The following AKT1 variants were observed in gnomAD, a reference collection of about 807,000 sequenced individuals.
AKT1 encodes RAC-alpha serine/threonine-protein kinase.
A neutral mutation model predicts 63.1 loss-of-function variants in AKT1; 21 were observed. The observed-to-expected ratio is 0.33, with a 90% confidence interval of 0.24 to 0.48. The LOEUF is 0.48. Ranked by LOEUF, AKT1 falls within the 20% of genes least tolerant of loss-of-function variation. AKT1 has a pLI of 0.99. For missense variants in AKT1, 382 were observed against 666.0 expected (o/e 0.57, Z 4.69); for synonymous variants, 257 against 253.1 (o/e 1.02, Z -0.15).
At chr14:104,791,873 CA>C (rs1443051333) in intron 3 of AKT1, among the ~76,000 whole-genome samples, 3 of 152,246 alleles carry the variant, frequency 2.0e-5, no homozygotes, top group African/African-American at 7.2e-5. Context: ...TGGACCTGAA[CA>C]GGAAGCCCAC....
rs575740397 is a variant in AKT1 at position 104,790,245 on chromosome 14, G to A, written c.46+2353C>T. 4.0e-3 allele frequency among the ~76,000 whole-genome samples: 613 copies of A among 152,320 alleles called. 2 individuals carry two copies. The highest frequency in any genetic ancestry group is 6.8e-3 in the Non-Finnish European group (460 of 68,024). ...AGGGGACAGGTGCGGGCCAGCCTCT[G>A]AGACAAGCACCCTGACCTGCAGGAG... is the stretch of plus-strand genomic sequence containing the variant. On this transcript the variant is annotated intron_variant, in intron 3 of 14. Transcript: ENST00000649815.
intron 1 of AKT1, chr14:104,794,082 T>C (rs529441227): frequency 6.6e-6 from 1 of 152,460 alleles, no homozygotes; most frequent in African/African-American, 2.4e-5. Context: ...CCCACTGCCT[T>C]GTGTCTAATG....
rs375684976 is a variant in AKT1, at chr14:104,773,878, C to T, written c.702+34G>A. 2.7e-5 allele frequency: 43 copies of T among 1,572,880 alleles called. 2 individuals carry two copies. Among genetic ancestry groups the T allele is most frequent in the East Asian group, 1.6e-4 (7 of 42,758 alleles). Reference sequence around the variant, plus strand: ...GCCCCACCATGGGCGGCCCACAGGCCGCGAAGTCCATCCCCCGCAGCCCCA... The same window carrying T: ...GCCCCACCATGGGCGGCCCACAGGCTGCGAAGTCCATCCCCCGCAGCCCCA... On this transcript the variant is annotated intron_variant, in intron 9 of 14. Transcript: ENST00000649815.
At chr14:104,789,027 G>A (rs1392161811) in intron 3 of AKT1, among the ~76,000 whole-genome samples, 4 of 152,174 alleles carry the variant, frequency 2.6e-5, no homozygotes, top group South Asian at 2.1e-4. Flanking sequence ...TAACCCACGC[G>A]CCCCAGGCAG....
At chr14:104,772,155 C>A (rs1892423960) in intron 13 of AKT1, 2 of 609,498 alleles carry the variant, frequency 3.3e-6, no homozygotes, top group Admixed American at 5.6e-5. Context: ...GAGGACCAGG[C>A]CAGTTTCCTG....
intron 4 of AKT1, chr14:104,778,008 G>GC (rs5811151): frequency 0.29 from 44,347 of 153,370 alleles, 8,866 homozygotes; most frequent in African/African-American, 0.57. Flanking sequence ...CCGGAGAAAA[G>GC]CCCCGGACAG....
Position 104,775,665 on chromosome 14 carries a change from G to A in AKT1, c.422C>T (p.Pro141Leu), listed in dbSNP as rs2140921941. 1 of 1,613,992 alleles carries A rather than the reference G, an allele frequency of 6.2e-7. No individual in the cohort carries two copies. The highest frequency in any genetic ancestry group is 1.1e-5 in the South Asian group (1 of 91,076). The stretch of plus-strand genomic sequence containing the variant: ...GACAGGCCTCACCACGCGGTGCTTG[G>A]GCTTGGCCAGGGACACCTCCATCTC... ...AEEMEVSLAK[P>L]KHRVTMNEFE... Residue 141 changes from proline to leucine, a missense_variant, in exon 6 of 15, where the codon CCC becomes CTC. By Grantham distance (98) the Pro-to-Leu change is moderately conservative. Around this residue, in one of 3 missense-constraint regions of AKT1, gnomAD observed 226 missense variants for 366.4 expected, o/e 0.62. Transcript: ENST00000649815.
intron 4 of AKT1, chr14:104,777,812 G>A (rs904521632): frequency 1.5e-5 from 11 of 721,902 alleles, no homozygotes; most frequent in African/African-American, 1.3e-4. Context: ...CCAGGCCTGG[G>A]GGCCAGGAGG....
At chr14:104,790,314 G>A (rs1347259912) in intron 3 of AKT1, among the ~76,000 whole-genome samples, 1 of 152,182 alleles carries the variant, frequency 6.6e-6, no homozygotes, top group East Asian at 1.9e-4. Context: ...AAGGGGCTGC[G>A]GCCGGGCCTG....
intron 4 of AKT1, chr14:104,777,335 ACATACATCTGGG>A (rs1892781799): frequency 4.5e-6 from 1 of 224,656 alleles, no homozygotes; most frequent in Admixed American, 6.0e-5. Context: ...CCTGGGGCAC[ACATACATCTGGG>A]GCACACACAC....
At position 104,775,749 on chromosome 14, in the gene AKT1, T is replaced by C; in HGVS notation, c.338A>G (p.Gln113Arg). 6.2e-7 allele frequency: 1 copy of C among 1,614,040 alleles called. No homozygotes were observed. The highest frequency in any genetic ancestry group is 8.5e-7 in the Non-Finnish European group (1 of 1,179,968). ...IQTVADGLKK[Q>R]EEEEMDFRSG... ...CCGGAAGTCCATCTCCTCCTCCTCCTGCTTCTTGAGGCCGTCAGCCACAGT... is the reference window on the plus strand; with the variant it reads ...CCGGAAGTCCATCTCCTCCTCCTCCCGCTTCTTGAGGCCGTCAGCCACAGT... Residue 113 changes from glutamine to arginine, a missense_variant, in exon 6 of 15, where the codon CAG becomes CGG. Gln to Arg is a conservative substitution (Grantham distance 43). Around this residue, in one of 3 missense-constraint regions of AKT1, gnomAD observed 226 missense variants for 366.4 expected, o/e 0.62. Coordinates refer to ENST00000649815, the MANE Select transcript of AKT1 (RefSeq NM_001382430.1).
intron 5 of AKT1, chr14:104,776,061 C>T (rs1456436093): frequency 2.0e-5 from 8 of 392,536 alleles, no homozygotes; most frequent in East Asian, 1.0e-4. Context: ...AGCAGGACTC[C>T]GCCCCCCAGC....
intron 8 of AKT1, chr14:104,774,270 G>A (rs911016493): frequency 1.0e-5 from 5 of 482,788 alleles, no homozygotes; most frequent in African/African-American, 3.9e-5. Context: ...CTCATGCCAC[G>A]CCACCATCAG....
At chr14:104,782,673 C>T (rs1186741222) in intron 3 of AKT1, among the ~76,000 whole-genome samples, 3 of 152,170 alleles carry the variant, frequency 2.0e-5, no homozygotes, top group Non-Finnish European at 4.4e-5. Context: ...TCGCCTGGCC[C>T]CACAGACCCA....
intron 4 of AKT1, chr14:104,777,659 C>T: frequency 1.0e-6 from 1 of 986,402 alleles, no homozygotes; most frequent in Non-Finnish European, 1.2e-6. Context: ...GAGTGTGTAG[C>T]CGCTGGGGCT....
chr14:104,771,178 T>A (rs1892365707), intron 13 of AKT1: 1 of 325,214 alleles, frequency 3.1e-6, no homozygotes, highest in Non-Finnish European at 5.7e-6. Flanking sequence ...CCTTTTTCTT[T>A]CTTGTTTTCT....
intron 5 of AKT1, chr14:104,776,068 CAGCAGGACTCCGCCCCCCCCA>C (rs1336773310): frequency 1.4e-4 from 52 of 375,566 alleles, no homozygotes; most frequent in African/African-American, 1.0e-3. Context: ...CTCCGCCCCC[CAGCAGGACTCCGCCCCCCCCA>C]AGCAGGACTC....
In AKT1 at chr14:104,772,392, G is replaced by A. The variant is rs375901448; in HGVS notation, c.1233C>T (p.Ile411=). The change falls in exon 13 of 15, where the codon ATC becomes ATT. Residue 411 remains isoleucine, a synonymous_variant. Coordinates refer to ENST00000649815, the MANE Select transcript of AKT1 (RefSeq NM_001382430.1). ...TCTTCTCGTACACGTGCTGCCACAC[G>A]ATACCGGCAAAGAAGCGATGCTGCA... ...EIMQHRFFAG[I]VWQHVYEKKL... 1.0e-4 allele frequency: 161 copies of A among 1,613,788 alleles called. No homozygotes were observed. The highest frequency in any genetic ancestry group is 9.1e-5 in the Non-Finnish European group (107 of 1,180,044).
chr14:104,772,327 A>T, intron 13 of AKT1, 38 bp downstream of exon 13: 1 of 1,602,912 alleles, frequency 6.2e-7, no homozygotes, highest in Non-Finnish European at 8.5e-7. Flanking sequence ...ATATGTGGGG[A>T]GCATGCGTGC....
Sources: allele counts gnomAD v4.1 joint callset (sites outside exome capture counted in the v4.1 genomes callset), GRCh38; gene constraint gnomAD v4.1.1; regional missense constraint gnomAD v4.1.1; transcripts MANE v1.5; gene names NCBI Gene and HGNC (gene_info 2026-07-23, HGNC 2026-07-21).